SBNO2: variants seen among roughly 807,000 people sequenced by gnomAD.
SBNO2 encodes strawberry notch homolog 2, also known as protein strawberry notch homolog 2.
Under a neutral mutation model 146.3 loss-of-function variants are expected in SBNO2, and 89 were observed. That is an observed-to-expected ratio of 0.61 (90% CI 0.51 to 0.73). The LOEUF (loss-of-function observed/expected upper bound fraction) is 0.73. Among genes scored for constraint, SBNO2 ranks in the 30% least tolerant of loss-of-function variants. The pLI is 0.00. For synonymous variants in SBNO2, 1,147 were observed against 892.6 expected (o/e 1.29, Z -5.08); for missense variants, 2,092 against 2,003.7 (o/e 1.04, Z -0.84).
At chr19:1,155,272 A>G (rs986309662) in intron 1 of SBNO2, 1 of 152,266 alleles carries the variant, frequency 6.6e-6, no homozygotes, top group African/African-American at 2.4e-5. Flanking sequence ...GCACTTGTGC[A>G]ATCCCGTGGG....
At chr19:1,159,494 G>A (rs1396597415) in intron 1 of SBNO2, among the ~76,000 whole-genome samples, 1 of 104,288 alleles carries the variant, frequency 9.6e-6, no homozygotes. Flanking sequence ...AGGGGACAGT[G>A]GGGGGACAGG....
intron 1 of SBNO2, among the ~76,000 whole-genome samples, chr19:1,161,671 C>T (rs995389321): frequency 3.3e-5 from 5 of 151,946 alleles, no homozygotes; most frequent in East Asian, 1.9e-4. Flanking sequence ...ATTTTAGGAA[C>T]GGCCACGTCA....
intron 1 of SBNO2, among the ~76,000 whole-genome samples, chr19:1,168,200 C>T (rs1245489358): frequency 2.6e-5 from 4 of 152,150 alleles, no homozygotes; most frequent in African/African-American, 9.7e-5. Flanking sequence ...CCCGGGGCAG[C>T]GTTGGGTGCC....
Position 1,123,180 on chromosome 19 carries a change from G to C in SBNO2, c.629-135C>G. 9 of 1,023,874 alleles carry C rather than the reference G, an allele frequency of 8.8e-6. No homozygotes were observed. In the South Asian group the frequency reaches 1.4e-4, roughly 16 times the overall value. The allele number at this position is 1,023,874 out of a possible 1,614,324, so 63.4% of individuals were successfully genotyped here. ...TTTGGGGGCGTGGCCAGGTCCCGTT[G>C]GGCGGGTCATGGGCGTGGCCAGGAA... is the stretch of plus-strand genomic sequence containing the variant. On this transcript the variant is annotated intron_variant, in intron 7 of 31. Transcript: ENST00000361757.
At chr19:1,161,402 GTAC>G (rs2080343530) in intron 1 of SBNO2, among the ~76,000 whole-genome samples, 1 of 78,392 alleles carries the variant, frequency 1.3e-5, no homozygotes, top group African/African-American at 5.6e-5. Flanking sequence ...TGAGTACTGG[GTAC>G]TGGGGGTGCC....
intron 2 of SBNO2, among the ~76,000 whole-genome samples, chr19:1,152,969 G>A (rs986987168): frequency 4.6e-5 from 7 of 151,896 alleles, no homozygotes; most frequent in East Asian, 3.9e-4. Flanking sequence ...CGTGTCCAAC[G>A]GGGCAAAACC....
rs545843268 is a variant in SBNO2 at position 1,110,640 on chromosome 19, G to T, written c.3028+105C>A. On this transcript the variant is annotated intron_variant, in intron 26 of 31. Coordinates refer to ENST00000361757, the MANE Select transcript of SBNO2 (RefSeq NM_014963.3). This position sits in a 1 kb window ranked among gnomAD's most constrained non-coding sequence, Gnocchi z 4.9. Reference sequence around the variant, plus strand: ...TCCCACGAGCCCCTCGCCCACCCGGGATGCCCGGTGTTCCCACGAGCCCCG... The same window carrying T: ...TCCCACGAGCCCCTCGCCCACCCGGTATGCCCGGTGTTCCCACGAGCCCCG... The T allele has an allele frequency of 1.5e-6, 2 of 1,355,380 alleles. No individual in the cohort carries two copies. The highest frequency in any genetic ancestry group is 1.6e-5 in the South Asian group (1 of 63,206). 84.0% of individuals were successfully genotyped at this position (1,355,380 alleles called of 1,614,324 possible).
At chr19:1,153,475 G>A (rs1463048771) in intron 2 of SBNO2, among the ~76,000 whole-genome samples, 1 of 151,790 alleles carries the variant, frequency 6.6e-6, no homozygotes, top group Non-Finnish European at 1.5e-5. Context: ...CTGACCTCAA[G>A]TGATCTGCCC....
chr19:1,116,865 T>C lies in SBNO2; in HGVS notation c.1766A>G (p.Asn589Ser). 2 of 1,591,726 alleles carry C rather than the reference T, an allele frequency of 1.3e-6. No individual in the cohort carries two copies. Among genetic ancestry groups the C allele is most frequent in the Non-Finnish European group, 1.7e-6 (2 of 1,171,464 alleles). The change falls in exon 16 of 32, where the codon AAC becomes AGC. Residue 589 changes from asparagine (N) to serine (S), a missense_variant. Coordinates refer to ENST00000361757, the MANE Select transcript of SBNO2 (RefSeq NM_014963.3). ...GACGAAGCAGTTGAGGTGCCCATCGTTCTCCCCCAGCACCTCCCGCGTGCG... is the reference window on the plus strand; with the variant it reads ...GACGAAGCAGTTGAGGTGCCCATCGCTCTCCCCCAGCACCTCCCGCGTGCG... ...EARTREVLGE[N>S]DGHLNCFVSA...
In SBNO2 at chr19:1,157,121, C is replaced by T. The variant is rs1009670110; in HGVS notation, c.-126-2719G>A. Among the ~76,000 whole-genome samples, 4 of 152,020 alleles carry T rather than the reference C, an allele frequency of 2.6e-5. No homozygotes were observed. Among genetic ancestry groups the T allele is most frequent in the Middle Eastern group, 3.2e-3 (1 of 316 alleles). On this transcript the variant is annotated intron_variant, in intron 1 of 31. Transcript: ENST00000361757. This position sits in a 1 kb window ranked among gnomAD's most constrained non-coding sequence, Gnocchi z 6.8. ...CCCTGCCTGCAGACTCGGTCCTGTC[C>T]GAGGGCCCACGCCCCCAAGGGCTGG...
chr19:1,120,941 G>T (rs1380301931), intron 11 of SBNO2, among the ~76,000 whole-genome samples: 5 of 151,740 alleles, frequency 3.3e-5, no homozygotes, highest in African/African-American at 1.2e-4. Context: ...GCCTGGGCTG[G>T]AGAGCAGTGG....
rs570255601 is a variant in SBNO2, at chr19:1,122,831, G to T, written c.781-40C>A. The T allele has an allele frequency of 1.2e-4, 179 of 1,537,300 alleles. No individual in the cohort carries two copies. In the African/African-American group the frequency reaches 2.3e-3, roughly 20 times the overall value. ...CAGGCGTCAGGGCCTGGGGGTGCTG[G>T]CCCGGCCCCTCCCCAGGGGCCTCGC... On this transcript the variant is annotated intron_variant, in intron 8 of 31. Transcript: ENST00000361757.
rs754385547 is a variant in SBNO2, at chr19:1,109,746, C to T, written c.3060G>A (p.Glu1020=). Residue 1020 remains glutamate, a synonymous_variant, in exon 27 of 32, where the codon GAG becomes GAA. Coordinates refer to ENST00000361757, the MANE Select transcript of SBNO2 (RefSeq NM_014963.3). The surrounding 1 kb of genome is among the most constrained non-coding windows in gnomAD (Gnocchi z 4.2). ...DLAPGIEEIY[E]ESQQVFLAPG... ...GAGCCAGGAACACCTGCTGGCTCTC[C>T]TCGTAGATCTCCTCGATACCGGGAG... 15 of 1,602,762 alleles carry T rather than the reference C, an allele frequency of 9.4e-6. No individual in the cohort carries two copies. Among genetic ancestry groups the T allele is most frequent in the Non-Finnish European group, 1.3e-5 (15 of 1,173,686 alleles).
At chr19:1,122,427 G>A (rs1368413488) in intron 10 of SBNO2, 41 bp downstream of exon 10, 3 of 1,545,096 alleles carry the variant, frequency 1.9e-6, no homozygotes, top group Non-Finnish European at 2.6e-6. Context: ...GCAGGGCACG[G>A]TCCCCACCTT....
In SBNO2 at chr19:1,158,214, G is replaced by A. The variant is rs1412309754; in HGVS notation, c.-126-3812C>T. On this transcript the variant is annotated intron_variant, in intron 1 of 31. Coordinates refer to ENST00000361757, the MANE Select transcript of SBNO2 (RefSeq NM_014963.3). This position sits in a 1 kb window ranked among gnomAD's most constrained non-coding sequence, Gnocchi z 9.9. The stretch of plus-strand genomic sequence containing the variant: ...GCGGACCCTCCCCCTGGGGGTCCCT[G>A]AGCACCTGTCGTGTGGAGCCCCTTC... Among the ~76,000 whole-genome samples, 1 of 152,202 alleles carries A rather than the reference G, an allele frequency of 6.6e-6. No homozygotes were observed. Among genetic ancestry groups the A allele is most frequent in the Non-Finnish European group, 1.5e-5 (1 of 68,030 alleles).
At chr19:1,166,615 G>GCA (rs2080427612) in intron 1 of SBNO2, among the ~76,000 whole-genome samples, 2 of 98,380 alleles carry the variant, frequency 2.0e-5, no homozygotes, top group African/African-American at 5.0e-5. Context: ...GCAACTGCAC[G>GCA]CGCACACACA....
At chr19:1,165,664 CCCCAGACCCCAGTA>C (rs1166756130) in intron 1 of SBNO2, among the ~76,000 whole-genome samples, 79 of 138,520 alleles carry the variant, frequency 5.7e-4, no homozygotes, top group East Asian at 5.0e-3. Flanking sequence ...AGATCCCAGA[CCCCAGACCCCAGTA>C]CCCAGACCCC....
intron 2 of SBNO2, among the ~76,000 whole-genome samples, chr19:1,149,898 G>C (rs1389170205): frequency 2.0e-5 from 3 of 152,216 alleles, no homozygotes; most frequent in Non-Finnish European, 2.9e-5. Flanking sequence ...TCCTCGGGCA[G>C]GGCCTGGGGC....
chr19:1,148,216 C>T (rs1029482859), intron 3 of SBNO2, among the ~76,000 whole-genome samples: 5 of 151,772 alleles, frequency 3.3e-5, no homozygotes, highest in Non-Finnish European at 7.4e-5. Flanking sequence ...GGCAGACCTG[C>T]TCCCAGGGCA....
Sources: gnomAD v4.1 joint callset for allele counts (sites outside exome capture counted in the v4.1 genomes callset) on GRCh38, gnomAD v4.1.1 for gene constraint, Gnocchi (gnomAD v3.1) non-coding constraint, MANE v1.5 for transcripts, NCBI Gene and HGNC (gene_info 2026-07-23, HGNC 2026-07-21) for gene names.